LUZP4: variants seen among roughly 807,000 people sequenced by gnomAD.
LUZP4 encodes the protein leucine zipper protein 4.
A neutral mutation model predicts 8.5 loss-of-function variants in LUZP4; 11 were observed. The ratio of observed to expected loss-of-function variants is 1.30; its 90% CI spans 0.82 to 2.14. The LOEUF (loss-of-function observed/expected upper bound fraction) is 2.14, where lower values mean the gene tolerates loss of function less well. Among genes scored for constraint, LUZP4 ranks in the 30% most tolerant of loss-of-function variants. The probability of loss-of-function intolerance (pLI) is 0.00; values close to 1 mark genes in which losing one functional copy is unlikely to be tolerated. For missense variants in LUZP4, 276 were observed against 229.7 expected, an observed-to-expected ratio of 1.20 and a Z score of -1.30; for synonymous variants, 104 against 79.4, an observed-to-expected ratio of 1.31 and a Z score of -1.65.
At chrX:115,303,733 G>GC (rs1161193953) in intron 3 of LUZP4, among the ~76,000 whole-genome samples, 1 of 111,949 alleles carries the variant, frequency 8.9e-6, no homozygotes, top group African/African-American at 3.2e-5. Flanking sequence ...GAGGCTTTGA[G>GC]CTTAAGTTAT....
intron 1 of LUZP4, among the ~76,000 whole-genome samples, chrX:115,300,613 T>A (rs1315769727): frequency 1.8e-5 from 2 of 111,384 alleles, no homozygotes; most frequent in African/African-American, 6.5e-5. Flanking sequence ...GATGGGTGAT[T>A]CCTCTCTGAC....
At chrX:115,304,911 T>C (rs1467865176) in intron 3 of LUZP4, among the ~76,000 whole-genome samples, 1 of 112,135 alleles carries the variant, frequency 8.9e-6, no homozygotes, top group Non-Finnish European at 1.9e-5. Context: ...TAAGCTAGTT[T>C]CGTACTTAAC....
rs368894153 is a variant in LUZP4, at chrX:115,306,550, A to G, written c.688A>G (p.Lys230Glu). The G allele has an allele frequency of 2.7e-5, 33 of 1,204,629 alleles. No individual in the cohort carries two copies. Among genetic ancestry groups the G allele is most frequent in the African/African-American group, 1.1e-4 (6 of 55,676 alleles). ...CTCAGAGAGATCTCATGGTCACTCA[A>G]AGAGATCTCGTAGCCAGGGAGATCT... ...GHSERSHGHS[K>E]RSRSQGDLVD... The change falls in exon 4 of 4, where the codon AAG becomes GAG. Residue 230 changes from lysine (K) to glutamate (E), a missense_variant. Coordinates refer to ENST00000371920, the MANE Select transcript of LUZP4 (RefSeq NM_016383.5).
At chrX:115,302,753 G>A (rs1256630812) in intron 2 of LUZP4, among the ~76,000 whole-genome samples, 1 of 112,625 alleles carries the variant, frequency 8.9e-6, no homozygotes, top group Non-Finnish European at 1.9e-5. Flanking sequence ...TGAATCTTCA[G>A]TGGCTCAGCA....
chrX:115,290,072 C>T (rs1313690047), intron 1 of LUZP4, among the ~76,000 whole-genome samples: 15 of 111,056 alleles, frequency 1.4e-4, no homozygotes, highest in Non-Finnish European at 2.8e-4. Flanking sequence ...CTCCAGCCCT[C>T]TCCTTTCAGG....
intron 1 of LUZP4, among the ~76,000 whole-genome samples, chrX:115,290,855 T>C (rs2073345998): frequency 8.9e-6 from 1 of 111,791 alleles, no homozygotes; most frequent in Non-Finnish European, 1.9e-5. Flanking sequence ...TCATCTTGGC[T>C]CAGTGCAGCC....
At chrX:115,302,921 CCAAA>C (rs1356640832) in intron 2 of LUZP4, among the ~76,000 whole-genome samples, 2 of 112,038 alleles carry the variant, frequency 1.8e-5, no homozygotes, top group African/African-American at 3.2e-5. Flanking sequence ...GTCTTTATAC[CCAAA>C]CAAAGCAGAC....
In LUZP4 at chrX:115,289,742, C is replaced by T. The variant is rs782344386; in HGVS notation, c.-18C>T. ...ACGCGCCCTACCTCGGAGTGTGTGG[C>T]GCCATGATGCAGGGAAGATGGCTTC... On this transcript the variant is annotated 5_prime_UTR_variant, in exon 1 of 4. Coordinates refer to ENST00000371920, the MANE Select transcript of LUZP4 (RefSeq NM_016383.5). 1.7e-6 allele frequency: 2 copies of T among 1,170,411 alleles called. No individual in the cohort carries two copies. The highest frequency in any genetic ancestry group is 3.6e-5 in the South Asian group (2 of 55,936).
intron 1 of LUZP4, among the ~76,000 whole-genome samples, chrX:115,291,280 G>A (rs1432148070): frequency 1.8e-5 from 2 of 110,325 alleles, no homozygotes; most frequent in African/African-American, 6.6e-5. Context: ...TTAAATTTTT[G>A]TAGAGATTGG....
rs1246726727 is a variant in LUZP4, at chrX:115,307,142, T to G, written c.*338T>G. ...CGTTCCAACTTGACTTAGTGTCCAG[T>G]GCCCCTTGGACATTCCAACCTGGTA... On this transcript the variant is annotated 3_prime_UTR_variant, in exon 4 of 4. Transcript: ENST00000371920. 2 of 229,069 alleles carry G rather than the reference T, an allele frequency of 8.7e-6. No homozygotes were observed. The highest frequency in any genetic ancestry group is 1.6e-5 in the Non-Finnish European group (2 of 126,981). The allele number at this position is 229,069 out of a possible 1,213,427, so 18.9% of individuals were successfully genotyped here. A position where few individuals can be genotyped will look rare whatever the true frequency, so the allele number is the denominator to read the frequency against.
chrX:115,302,036 GAAGAA>G lies in LUZP4; in HGVS notation c.142_146del (p.Lys48Ter). 1.7e-6 allele frequency: 2 copies of G among 1,178,610 alleles called. No homozygotes were observed. The highest frequency in any genetic ancestry group is 2.3e-6 in the Non-Finnish European group (2 of 870,224). On this transcript the variant is annotated frameshift_variant, in exon 2 of 4. Transcript: ENST00000371920. LOFTEE classifies it high-confidence loss of function. ...AGAGTTAGAAGGGACAAATGCTGAAGAAGAAAAGAATAAAAGACAGAACCATAGTA... is the reference window on the plus strand; with the variant it reads ...AGAGTTAGAAGGGACAAATGCTGAAGAAGAATAAAAGACAGAACCATAGTA...
chrX:115,300,627 G>A lies in LUZP4; in HGVS notation c.92-1365G>A, dbSNP rs1301146957. Among the ~76,000 whole-genome samples the A allele has an allele frequency of 4.5e-5, 5 of 111,231 alleles. No individual in the cohort carries two copies. The Admixed American group carries it at 4.8e-4, about 11-fold the overall frequency. ...GGATGGGTGATTCCTCTCTGACTGG[G>A]GCTGGTTTAAATCTTCCCTCCATGG... On this transcript the variant is annotated intron_variant, in intron 1 of 3. Transcript: ENST00000371920.
At chrX:115,300,956 C>G (rs782079431) in intron 1 of LUZP4, among the ~76,000 whole-genome samples, 19 of 109,899 alleles carry the variant, frequency 1.7e-4, no homozygotes, top group African/African-American at 6.3e-4. Flanking sequence ...AATTCGCGTC[C>G]TTGCTGGGGG....
intron 3 of LUZP4, among the ~76,000 whole-genome samples, chrX:115,304,093 T>G (rs1184892657): frequency 8.9e-6 from 1 of 112,611 alleles, no homozygotes; most frequent in African/African-American, 3.2e-5. Context: ...CATTTATTTG[T>G]TTTGGAGAAA....
In LUZP4 at chrX:115,304,746, A is replaced by G. The variant is rs142454420; in HGVS notation, c.342+1328A>G. On this transcript the variant is annotated intron_variant, in intron 3 of 3. Transcript: ENST00000371920. ...GCCCAGGGTGGGAAAGTATCCTTCTATTATTCATACTTTTGAAACTTTTGA... is the reference window on the plus strand; with the variant it reads ...GCCCAGGGTGGGAAAGTATCCTTCTGTTATTCATACTTTTGAAACTTTTGA... Among the ~76,000 whole-genome samples, 396 of 109,028 alleles carry G rather than the reference A, an allele frequency of 3.6e-3. 3 individuals carry two copies. The highest frequency in any genetic ancestry group is 0.011 in the African/African-American group (323 of 29,976). The allele number at this position is 109,028 out of a possible 115,157, so 94.7% of individuals were successfully genotyped here.
At position 115,306,682 on chromosome X, in the gene LUZP4, A is replaced by G. The variant is rs138059569; in HGVS notation, c.820A>G (p.Ile274Val). Residue 274 changes from isoleucine to valine, a missense_variant, in exon 4 of 4, where the codon ATA becomes GTA. Transcript: ENST00000371920. ...RDLIATQRDL[I>V]VTQRDLVATE... ...TCTCATAGCCACTCAGAGAGATCTC[A>G]TAGTCACTCAGAGAGATCTCGTGGC... 8.5e-7 allele frequency: 1 copy of G among 1,182,463 alleles called. No individual in the cohort carries two copies. Among genetic ancestry groups the G allele is most frequent in the Non-Finnish European group, 1.1e-6 (1 of 871,077 alleles).
intron 1 of LUZP4, among the ~76,000 whole-genome samples, chrX:115,291,876 C>T (rs1042876179): frequency 1.8e-5 from 2 of 109,985 alleles, no homozygotes; most frequent in African/African-American, 3.3e-5. Flanking sequence ...GAGTTGAGAT[C>T]GCCCCACTGC....
chrX:115,293,061 G>A (rs1395390785), intron 1 of LUZP4, among the ~76,000 whole-genome samples: 3 of 110,366 alleles, frequency 2.7e-5, no homozygotes, highest in African/African-American at 9.9e-5. Context: ...TGAGGTAAAT[G>A]AGGCACTTGC....
intron 2 of LUZP4, among the ~76,000 whole-genome samples, chrX:115,302,529 G>A (rs1417343451): frequency 1.8e-5 from 2 of 112,365 alleles, no homozygotes; most frequent in African/African-American, 6.5e-5. Context: ...AAAAGAGAAG[G>A]GTAGAACATG....
Sources: allele counts gnomAD v4.1 joint callset (sites outside exome capture counted in the v4.1 genomes callset), GRCh38; gene constraint gnomAD v4.1.1; transcripts MANE v1.5; gene names NCBI Gene and HGNC (gene_info 2026-07-23, HGNC 2026-07-21).